ANKHD1: variants seen among roughly 807,000 people sequenced by gnomAD.
ANKHD1 encodes ankyrin repeat and KH domain-containing protein 1.
A neutral mutation model predicts 230.5 loss-of-function variants in ANKHD1; 31 were observed. The ratio of observed to expected loss-of-function variants is 0.13; its 90% CI spans 0.10 to 0.18. ANKHD1 has a LOEUF of 0.18. Among genes scored for constraint, ANKHD1 ranks in the 10% least tolerant of loss-of-function variants. The pLI is 1.00. For missense variants in ANKHD1, 2,256 were observed against 3,071.3 expected, an observed-to-expected ratio of 0.73 and a Z score of 6.27; for synonymous variants, 1,074 against 1,117.6, an observed-to-expected ratio of 0.96 and a Z score of 0.78.
intron 10 of ANKHD1, among the ~76,000 whole-genome samples, chr5:140,467,212 A>T (rs774768204): frequency 2.6e-5 from 4 of 152,148 alleles, no homozygotes; most frequent in Non-Finnish European, 5.9e-5. Context: ...TTCATTAATT[A>T]TGGAACTTTT....
intron 17 of ANKHD1, 122 bp from the exon 18 acceptor site, chr5:140,505,602 A>C: frequency 7.2e-7 from 1 of 1,379,946 alleles, no homozygotes; most frequent in South Asian, 1.6e-5. Flanking sequence ...TTTTATGTTA[A>C]CTCATTATCA....
intron 10 of ANKHD1, among the ~76,000 whole-genome samples, chr5:140,482,124 G>A (rs142516200): frequency 2.5e-3 from 373 of 150,658 alleles, no homozygotes; most frequent in African/African-American, 8.9e-3. Flanking sequence ...TCATTTTTCC[G>A]TTACTCCTAA....
At chr5:140,453,258 G>A (rs1774894375) in intron 7 of ANKHD1, among the ~76,000 whole-genome samples, 1 of 152,178 alleles carries the variant, frequency 6.6e-6, no homozygotes, top group South Asian at 2.1e-4. Flanking sequence ...GAAAGTGACG[G>A]GGAGAATGGA....
chr5:140,496,482 T>TTTC, intron 14 of ANKHD1, 38 bp from the exon 15 acceptor site: 1 of 1,036,352 alleles, frequency 9.6e-7, no homozygotes, highest in Non-Finnish European at 1.3e-6. Context: ...TTTTTTTTTT[T>TTTC]AGCATGGCAC....
At chr5:140,509,522 G>A in intron 20 of ANKHD1, 115 bp from the exon 21 acceptor site, 1 of 1,261,400 alleles carries the variant, frequency 7.9e-7, no homozygotes, top group East Asian at 2.8e-5. Context: ...AACTAGAATT[G>A]TCTTAAAAGT....
intron 10 of ANKHD1, among the ~76,000 whole-genome samples, chr5:140,480,200 T>C (rs919806967): frequency 3.3e-5 from 5 of 152,078 alleles, no homozygotes; most frequent in Admixed American, 6.5e-5. Context: ...GATTATGTTA[T>C]TCAAAACTAA....
rs1164924050 is a variant in ANKHD1, at chr5:140,510,082, A to C, written c.4005A>C (p.Gly1335=). 1 of 1,614,114 alleles carries C rather than the reference A, an allele frequency of 6.2e-7. No individual in the cohort carries two copies. The part of the protein sequence containing the change: ...GNTPLWLASN[G]GHFDVVQLLV... ...CGCCACTTTGGCTGGCATCCAATGG[A>C]GGTCATTTTGATGTTGTGCAGTTGC... is the stretch of plus-strand genomic sequence containing the variant. The change falls in exon 22 of 34, where the codon GGA becomes GGC. Residue 1335 remains glycine, a synonymous_variant. Coordinates refer to ENST00000360839, the MANE Select transcript of ANKHD1 (RefSeq NM_017747.3).
At position 140,458,876 on chromosome 5, in the gene ANKHD1, ACTT is replaced by A. The variant is rs1561754406; in HGVS notation, c.1480+18_1480+20del. On this transcript the variant is annotated intron_variant, in intron 8 of 33. Transcript: ENST00000360839. ...TCTTAGCACAAGGTAAAGCAGTTTT[ACTT>A]CTTTTAGAAAAATCAGTTTTCTTTG... 6.3e-7 allele frequency: 1 copy of A among 1,579,390 alleles called. No individual in the cohort carries two copies. The highest frequency in any genetic ancestry group is 2.3e-5 in the East Asian group (1 of 43,576).
chr5:140,491,382 C>A (rs1450920540), intron 14 of ANKHD1, among the ~76,000 whole-genome samples: 1 of 151,456 alleles, frequency 6.6e-6, no homozygotes, highest in African/African-American at 2.4e-5. Flanking sequence ...CCAGGCTGGT[C>A]TTGAAGTCCT....
chr5:140,538,071 A>G lies in ANKHD1; in HGVS notation c.7229-15A>G. 1 of 1,591,502 alleles carries G rather than the reference A, an allele frequency of 6.3e-7. No individual in the cohort carries two copies. The highest frequency in any genetic ancestry group is 8.6e-7 in the Non-Finnish European group (1 of 1,169,502). On this transcript the variant is annotated splice_polypyrimidine_tract_variant and intron_variant, in intron 31 of 33. Transcript: ENST00000360839. ...CAAATAAATTTAAAACTTTGTTTTC[A>G]ATTATTCTTTCCAGAAGGCTTATCA...
At chr5:140,407,224 G>A (rs926443679) in intron 1 of ANKHD1, among the ~76,000 whole-genome samples, 18 of 150,330 alleles carry the variant, frequency 1.2e-4, no homozygotes, top group South Asian at 1.1e-3. Flanking sequence ...GAACCTGGGA[G>A]GCAGAAGTCG....
At chr5:140,479,305 A>T (rs577512070) in intron 10 of ANKHD1, among the ~76,000 whole-genome samples, 15 of 152,140 alleles carry the variant, frequency 9.9e-5, no homozygotes, top group African/African-American at 3.6e-4. Context: ...GCCGAAATGG[A>T]TGCTTTCTAT....
intron 10 of ANKHD1, among the ~76,000 whole-genome samples, chr5:140,474,592 T>TTTC (rs984666921): frequency 6.6e-5 from 10 of 151,096 alleles, no homozygotes; most frequent in Middle Eastern, 3.4e-3. Context: ...ACCTTTTTTT[T>TTTC]TTCTTCTTTT....
At chr5:140,406,561 A>C (rs1158599799) in intron 1 of ANKHD1, among the ~76,000 whole-genome samples, 2 of 141,068 alleles carry the variant, frequency 1.4e-5, no homozygotes, top group African/African-American at 5.2e-5. Flanking sequence ...CTTTCAGTAC[A>C]TTTTTTTTTT....
chr5:140,537,085 A>G (rs987904697), intron 30 of ANKHD1: 3 of 208,174 alleles, frequency 1.4e-5, no homozygotes, highest in African/African-American at 7.0e-5. Flanking sequence ...AATAAAAACA[A>G]ATGTGGCCTG....
chr5:140,461,454 T>A (rs574932209), intron 9 of ANKHD1, among the ~76,000 whole-genome samples: 1 of 152,276 alleles, frequency 6.6e-6, no homozygotes, highest in South Asian at 2.1e-4. Flanking sequence ...CTTCTTACAG[T>A]GTGGCACTAA....
At chr5:140,501,621 G>A (rs571500631) in intron 15 of ANKHD1, among the ~76,000 whole-genome samples, 27 of 151,956 alleles carry the variant, frequency 1.8e-4, no homozygotes, top group Middle Eastern at 6.8e-3. Context: ...ATGCTGGCAT[G>A]TGCCTTTAAT....
rs1295301570 is a variant in ANKHD1, at chr5:140,459,207, T to G, written c.1524T>G (p.Ala508=). ...NAQTEETQET[A]LTLACCGGFS... is the part of the protein sequence containing the mutation. Reference sequence around the variant, plus strand: ...AGACAGAAGAAACTCAAGAAACTGCTCTTACTTTGGCTTGCTGTGGAGGAT... The same window carrying G: ...AGACAGAAGAAACTCAAGAAACTGCGCTTACTTTGGCTTGCTGTGGAGGAT... The change falls in exon 9 of 34, where the codon GCT becomes GCG. Residue 508 remains alanine, a synonymous_variant. Transcript: ENST00000360839. The G allele has an allele frequency of 1.3e-6, 2 of 1,598,722 alleles. No individual in the cohort carries two copies. The highest frequency in any genetic ancestry group is 4.5e-5 in the East Asian group (2 of 44,618).
intron 13 of ANKHD1, 107 bp from the exon 14 acceptor site, chr5:140,486,851 C>A: frequency 8.9e-7 from 1 of 1,119,150 alleles, no homozygotes; most frequent in Non-Finnish European, 1.2e-6. Flanking sequence ...AACAAAAGTG[C>A]ATTTGGTGGT....
Sources: gnomAD v4.1 joint callset for allele counts (sites outside exome capture counted in the v4.1 genomes callset) on GRCh38, gnomAD v4.1.1 for gene constraint, MANE v1.5 for transcripts, NCBI Gene and HGNC (gene_info 2026-07-23, HGNC 2026-07-21) for gene names.